The following ANKRD36B variants were observed in gnomAD, a reference collection of about 807,000 sequenced individuals.
The protein encoded by ANKRD36B is ankyrin repeat domain 36B, also known as ankyrin repeat domain-containing protein 36B.
Under a neutral mutation model 135.7 loss-of-function variants are expected in ANKRD36B, and 37 were observed. That is an observed-to-expected ratio of 0.27 (90% CI 0.21 to 0.36). The LOEUF (loss-of-function observed/expected upper bound fraction) is 0.36, where lower values mean the gene tolerates loss of function less well. ANKRD36B is among the 10% of genes least tolerant of loss of function. ANKRD36B has a pLI of 1.00. For synonymous variants in ANKRD36B, 179 were observed against 348.1 expected, an observed-to-expected ratio of 0.51 and a Z score of 5.41; for missense variants, 549 against 1,037.1, an observed-to-expected ratio of 0.53 and a Z score of 6.46.
At chr2:97,550,016 C>T (rs1036318764) in intron 18 of ANKRD36B, among the ~76,000 whole-genome samples, 1 of 151,698 alleles carries the variant, frequency 6.6e-6, no homozygotes, top group Non-Finnish European at 1.5e-5. Flanking sequence ...GGATTTACAC[C>T]ATTATACTAC....
At chr2:97,570,301 G>A (rs909147498) in intron 6 of ANKRD36B, among the ~76,000 whole-genome samples, 7 of 152,318 alleles carry the variant, frequency 4.6e-5, no homozygotes, top group African/African-American at 1.4e-4. Context: ...AGTTGGGGCT[G>A]TAACTGCTGT....
Position 97,547,385 on chromosome 2 carries a change from C to T in ANKRD36B, c.1579+151G>A, listed in dbSNP as rs1194241129. 16 of 974,352 alleles carry T rather than the reference C, an allele frequency of 1.6e-5. No individual in the cohort carries two copies. The South Asian group carries it at 2.2e-4, about 13-fold the overall frequency. The allele number at this position is 974,352 out of a possible 1,614,324, so 60.4% of individuals were successfully genotyped here. On this transcript the variant is annotated intron_variant, in intron 22 of 43. Coordinates refer to ENST00000359901, the MANE Select transcript of ANKRD36B (RefSeq NM_001393939.1). ...ATCATGTTCCAGACCAGCAGCAACACTATCACCCACGAACTTATTTGAAAT... is the reference window on the plus strand; with the variant it reads ...ATCATGTTCCAGACCAGCAGCAACATTATCACCCACGAACTTATTTGAAAT...
intron 3 of ANKRD36B, among the ~76,000 whole-genome samples, chr2:97,581,208 T>TGA (rs1319118435): frequency 7.8e-4 from 117 of 149,256 alleles, no homozygotes; most frequent in Admixed American, 1.3e-3. Context: ...ATTTGAGAAA[T>TGA]GAGAGTTTCA....
chr2:97,569,251 C>CA (rs2081655488), intron 6 of ANKRD36B, among the ~76,000 whole-genome samples: 1 of 151,756 alleles, frequency 6.6e-6, no homozygotes, highest in South Asian at 2.1e-4. Flanking sequence ...AAACTAAAAG[C>CA]AAAAAAGCAC....
chr2:97,546,615 T>G (rs937063836), intron 22 of ANKRD36B, among the ~76,000 whole-genome samples: 14 of 151,718 alleles, frequency 9.2e-5, no homozygotes, highest in African/African-American at 3.1e-4. Flanking sequence ...GCATTAGATA[T>G]TAATCAGTTT....
Position 97,543,407 on chromosome 2 carries a change from A to AAT in ANKRD36B, c.1783+382_1783+383insAT, listed in dbSNP as rs757843480. On this transcript the variant is annotated intron_variant, in intron 26 of 43. Transcript: ENST00000359901. ...ACAGTGTCTACAGGTTATTAGGATC[A>AAT]CTATTCTGTCTTTTTTATAGCAGTA... Among the ~76,000 whole-genome samples the AAT allele has an allele frequency of 1.6e-3, 189 of 116,920 alleles. 5 individuals are homozygous for AAT. The highest frequency in any genetic ancestry group is 2.3e-3 in the Non-Finnish European group (111 of 47,476). 76.7% of individuals were successfully genotyped at this position (116,920 alleles called of 152,430 possible).
At chr2:97,564,238 C>G (rs2081270754) in intron 6 of ANKRD36B, among the ~76,000 whole-genome samples, 1 of 151,956 alleles carries the variant, frequency 6.6e-6, no homozygotes, top group Admixed American at 6.6e-5. Flanking sequence ...ACCCTAAGAC[C>G]ATAACAGCTC....
intron 35 of ANKRD36B, chr2:97,525,086 T>C (rs1275115466): frequency 1.0e-5 from 1 of 97,776 alleles, no homozygotes; most frequent in African/African-American, 3.1e-5. Context: ...TATGTTTACC[T>C]ACTGCCAAAT....
rs1402352060 is a variant in ANKRD36B at position 97,528,840 on chromosome 2, C to A, written c.2265+3471G>T. 2.1e-5 allele frequency among the ~76,000 whole-genome samples: 2 copies of A among 95,418 alleles called. 1 individual carries two copies. The highest frequency in any genetic ancestry group is 1.9e-4 in the Admixed American group (2 of 10,794). 62.6% of individuals were successfully genotyped at this position (95,418 alleles called of 152,430 possible). On this transcript the variant is annotated intron_variant, in intron 35 of 43. Transcript: ENST00000359901. Reference sequence around the variant, plus strand: ...AAATTCCTGGACACATACACCCTCCCAAGACTAAACCAGGAAGAAGTTGAA... The same window carrying A: ...AAATTCCTGGACACATACACCCTCCAAAGACTAAACCAGGAAGAAGTTGAA...
chr2:97,509,304 CT>C (rs1436609403), intron 40 of ANKRD36B, among the ~76,000 whole-genome samples: 1 of 46,608 alleles, frequency 2.1e-5, no homozygotes, highest in East Asian at 2.9e-4. Context: ...TAATTCTCAA[CT>C]TTCCTAAGGT....
At chr2:97,533,981 G>A (rs1321075314) in intron 34 of ANKRD36B, among the ~76,000 whole-genome samples, 1 of 92,400 alleles carries the variant, frequency 1.1e-5, no homozygotes, top group Non-Finnish European at 2.9e-5. Context: ...GCTTTAACCC[G>A]GGAGGTAGAG....
At chr2:97,550,278 C>G (rs1259802518) in intron 18 of ANKRD36B, among the ~76,000 whole-genome samples, 6 of 148,170 alleles carry the variant, frequency 4.0e-5, no homozygotes, top group Non-Finnish European at 9.0e-5. Flanking sequence ...GTCGTGGCAC[C>G]AAAGGATAAT....
intron 18 of ANKRD36B, among the ~76,000 whole-genome samples, chr2:97,550,145 T>C (rs1360636777): frequency 1.3e-5 from 2 of 151,092 alleles, no homozygotes; most frequent in South Asian, 2.1e-4. Flanking sequence ...ATTGATCACC[T>C]TGGACACCTG....
intron 6 of ANKRD36B, among the ~76,000 whole-genome samples, chr2:97,562,450 C>T (rs565057208): frequency 9.3e-4 from 141 of 151,980 alleles, no homozygotes; most frequent in Non-Finnish European, 1.5e-3. Flanking sequence ...CTGATGTGAA[C>T]GAAGCATGTA....
At chr2:97,526,464 C>A (rs1382863220) in intron 35 of ANKRD36B, among the ~76,000 whole-genome samples, 1 of 97,022 alleles carries the variant, frequency 1.0e-5, no homozygotes, top group East Asian at 2.3e-4. Flanking sequence ...AAAAACAGAG[C>A]AGAAAAACTG....
In ANKRD36B at chr2:97,546,938, T is replaced by C. The variant is rs72493438; in HGVS notation, c.1579+598A>G. Among the ~76,000 whole-genome samples, 39 of 151,806 alleles carry C rather than the reference T, an allele frequency of 2.6e-4. No individual in the cohort carries two copies. In the East Asian group the frequency reaches 6.6e-3, roughly 26 times the overall value. The stretch of plus-strand genomic sequence containing the variant: ...TTACACCATTGTTTCCTGCTTCCAG[T>C]AGTTCCTGGAGCAGCCAAAATCAAA... On this transcript the variant is annotated intron_variant, in intron 22 of 43. Coordinates refer to ENST00000359901, the MANE Select transcript of ANKRD36B (RefSeq NM_001393939.1).
intron 35 of ANKRD36B, chr2:97,524,284 T>C (rs1253323103): frequency 1.1e-5 from 1 of 95,064 alleles, no homozygotes; most frequent in Non-Finnish European, 2.8e-5. Context: ...CGATGTTTAA[T>C]TTCCAGTTAG....
intron 8 of ANKRD36B, among the ~76,000 whole-genome samples, chr2:97,559,349 T>A (rs1577000123): frequency 1.3e-5 from 2 of 151,914 alleles, no homozygotes; most frequent in African/African-American, 4.8e-5. Context: ...ACATGATCCC[T>A]CATGTCTTTC....
chr2:97,568,323 T>A (rs2081592326), intron 6 of ANKRD36B, among the ~76,000 whole-genome samples: 1 of 152,062 alleles, frequency 6.6e-6, no homozygotes, highest in African/African-American at 2.4e-5. Flanking sequence ...GATAAAGCAC[T>A]CTAATTCAAA....
Sources: gnomAD v4.1 joint callset for allele counts (sites outside exome capture counted in the v4.1 genomes callset) on GRCh38, gnomAD v4.1.1 for gene constraint, MANE v1.5 for transcripts, NCBI Gene and HGNC (gene_info 2026-07-23, HGNC 2026-07-21) for gene names.